PIBF1: variants seen among roughly 807,000 people sequenced by gnomAD.
The protein encoded by PIBF1 is progesterone immunomodulatory binding factor 1.
A neutral mutation model predicts 112.5 loss-of-function variants in PIBF1; 90 were observed. The ratio of observed to expected loss-of-function variants is 0.80; its 90% confidence interval spans 0.67 to 0.95. The LOEUF (loss-of-function observed/expected upper bound fraction) is 0.95. PIBF1 is among the 40% of genes least tolerant of loss of function. The pLI is 0.00. For synonymous variants in PIBF1, 301 were observed against 288.6 expected, an observed-to-expected ratio of 1.04 and a Z score of -0.44; for missense variants, 915 against 852.3, an observed-to-expected ratio of 1.07 and a Z score of -0.92.
chr13:72,885,093 A>G (rs1355926478), intron 10 of PIBF1, among the ~76,000 whole-genome samples: 1 of 152,196 alleles, frequency 6.6e-6, no homozygotes, highest in Non-Finnish European at 1.5e-5. Context: ...AGAGCCTGTC[A>G]TATCACACTA....
intron 5 of PIBF1, among the ~76,000 whole-genome samples, chr13:72,808,260 A>G (rs1308246804): frequency 6.6e-6 from 1 of 152,170 alleles, no homozygotes; most frequent in Non-Finnish European, 1.5e-5. Flanking sequence ...TTATGAACAT[A>G]TTTTCCTTTA....
chr13:72,895,920 G>A (rs1399531427), intron 11 of PIBF1, among the ~76,000 whole-genome samples: 1 of 152,150 alleles, frequency 6.6e-6, no homozygotes, highest in African/African-American at 2.4e-5. Context: ...AGACTCTTGG[G>A]CTGTTGTGTT....
At chr13:73,012,669 C>T (rs904616699) in intron 17 of PIBF1, among the ~76,000 whole-genome samples, 2 of 151,654 alleles carry the variant, frequency 1.3e-5, no homozygotes, top group South Asian at 2.1e-4. Flanking sequence ...GTGGGAGGAT[C>T]GCTTGAGCCC....
intron 17 of PIBF1, among the ~76,000 whole-genome samples, chr13:73,005,404 G>A (rs539300427): frequency 8.3e-4 from 126 of 151,908 alleles, no homozygotes; most frequent in African/African-American, 3.0e-3. Context: ...AGCCCAGGAG[G>A]TTGGGGCTGC....
At chr13:72,824,318 A>G (rs917056181) in intron 6 of PIBF1, among the ~76,000 whole-genome samples, 2 of 151,890 alleles carry the variant, frequency 1.3e-5, no homozygotes, top group African/African-American at 4.8e-5. Flanking sequence ...CACCCAGCCC[A>G]CGTTGATACT....
intron 10 of PIBF1, among the ~76,000 whole-genome samples, chr13:72,857,928 GA>G (rs1266591790): frequency 6.6e-6 from 1 of 152,038 alleles, no homozygotes; most frequent in Non-Finnish European, 1.5e-5. Context: ...CGTGGGTATG[GA>G]AAAACAGGCA....
Position 72,817,057 on chromosome 13 carries a change from C to G in PIBF1, c.673-4792C>G, listed in dbSNP as rs1012414294. On this transcript the variant is annotated intron_variant, in intron 5 of 17. Coordinates refer to ENST00000326291, the MANE Select transcript of PIBF1 (RefSeq NM_006346.4). Reference sequence around the variant, plus strand: ...TTCTGACAAGTGAATTCTTAGTTTTCCAGAATAGCTAACCAACTATTTCTT... The same window carrying G: ...TTCTGACAAGTGAATTCTTAGTTTTGCAGAATAGCTAACCAACTATTTCTT... 2.0e-5 allele frequency among the ~76,000 whole-genome samples: 3 copies of G among 152,120 alleles called. No individual in the cohort carries two copies. The South Asian group carries it at 6.2e-4, about 32-fold the overall frequency.
chr13:72,995,428 T>C (rs1262939448), intron 16 of PIBF1, among the ~76,000 whole-genome samples: 1 of 151,840 alleles, frequency 6.6e-6, no homozygotes, highest in East Asian at 1.9e-4. Context: ...CAGTGCGACA[T>C]GGGTGCATAA....
At chr13:72,941,049 GA>G (rs1488750101) in intron 14 of PIBF1, among the ~76,000 whole-genome samples, 3 of 152,158 alleles carry the variant, frequency 2.0e-5, no homozygotes, top group Admixed American at 1.3e-4. Flanking sequence ...TTAACTCAGG[GA>G]ATTTGACAGG....
intron 9 of PIBF1, 22 bp downstream of exon 9, chr13:72,835,390 T>A: frequency 1.3e-6 from 2 of 1,486,336 alleles, no homozygotes; most frequent in Non-Finnish European, 1.8e-6. Flanking sequence ...AAAATGCTTG[T>A]ATGGTATTTT....
chr13:72,944,459 A>AG (rs397827161), intron 14 of PIBF1, among the ~76,000 whole-genome samples: 3 of 148,956 alleles, frequency 2.0e-5, no homozygotes, highest in Non-Finnish European at 4.5e-5. Context: ...AAAAAAAAAA[A>AG]GAAGAAAAAG....
At chr13:72,933,762 T>C (rs539084066) in intron 14 of PIBF1, among the ~76,000 whole-genome samples, 1 of 152,374 alleles carries the variant, frequency 6.6e-6, no homozygotes, top group Non-Finnish European at 1.5e-5. Flanking sequence ...TAATTAAGTA[T>C]AATTAACTTT....
Position 72,795,604 on chromosome 13 carries a change from T to G in PIBF1, c.552+47T>G, listed in dbSNP as rs748713466. 6 of 1,181,800 alleles carry G rather than the reference T, an allele frequency of 5.1e-6. No individual in the cohort carries two copies. In the South Asian group the frequency reaches 8.1e-5, roughly 16 times the overall value. The allele number at this position is 1,181,800 out of a possible 1,614,324, so 73.2% of individuals were successfully genotyped here. On this transcript the variant is annotated intron_variant, in intron 4 of 17. Transcript: ENST00000326291. ...TTAACTATGACATATATTTTCAGAC[T>G]AAAATTTACCATTTATATAGTAGCA...
chr13:72,908,436 CA>C, intron 11 of PIBF1, 94 bp from the exon 12 acceptor site: 7 of 583,608 alleles, frequency 1.2e-5, no homozygotes, highest in Non-Finnish European at 1.6e-5. Context: ...ATTTAAATAA[CA>C]AAAAAAGCCC....
chr13:72,861,953 A>G (rs7323367), intron 10 of PIBF1, among the ~76,000 whole-genome samples: 113,508 of 152,072 alleles, frequency 0.75, 42,774 homozygotes, highest in African/African-American at 0.82. Flanking sequence ...GGGGAGTTCC[A>G]GAAAACCATG....
intron 14 of PIBF1, among the ~76,000 whole-genome samples, chr13:72,939,653 T>G (rs2041960824): frequency 6.6e-6 from 1 of 152,198 alleles, no homozygotes; most frequent in Non-Finnish European, 1.5e-5. Context: ...TTAGGTTATT[T>G]CCACCTTCTG....
Position 72,853,940 on chromosome 13 carries a change from A to C in PIBF1, c.1224-117A>C, listed in dbSNP as rs1195641979. The C allele has an allele frequency of 5.4e-6, 4 of 736,330 alleles. No homozygotes were observed. The East Asian group carries it at 1.1e-4, about 20-fold the overall frequency. The allele number at this position is 736,330 out of a possible 1,614,324, so 45.6% of individuals were successfully genotyped here. A position where few individuals can be genotyped will look rare whatever the true frequency, so the allele number is the denominator to read the frequency against. On this transcript the variant is annotated intron_variant, in intron 9 of 17. Transcript: ENST00000326291. ...AGCCAAGCAGGTTTATATAGTGTACACTTTGGGTCCCCAACTTCTCAGATG... is the reference window on the plus strand; with the variant it reads ...AGCCAAGCAGGTTTATATAGTGTACCCTTTGGGTCCCCAACTTCTCAGATG...
At chr13:72,878,074 G>A (rs912251909) in intron 10 of PIBF1, among the ~76,000 whole-genome samples, 1 of 151,460 alleles carries the variant, frequency 6.6e-6, no homozygotes, top group Non-Finnish European at 1.5e-5. Flanking sequence ...AGTAATTTAG[G>A]TCCTCTCTTT....
intron 10 of PIBF1, among the ~76,000 whole-genome samples, chr13:72,864,500 C>G (rs142262641): frequency 7.2e-5 from 11 of 152,206 alleles, no homozygotes; most frequent in African/African-American, 2.6e-4. Flanking sequence ...GGTCATTATG[C>G]TTGTGAACTG....
Sources: allele counts gnomAD v4.1 joint callset (sites outside exome capture counted in the v4.1 genomes callset), GRCh38; gene constraint gnomAD v4.1.1; transcripts MANE v1.5; gene names NCBI Gene and HGNC (gene_info 2026-07-23, HGNC 2026-07-21).